ZSCAN31: variants seen among roughly 807,000 people sequenced by gnomAD.
ZSCAN31 encodes zinc finger and SCAN domain-containing protein 31.
ZSCAN31 carries 14 observed loss-of-function variants against 22.5 expected under a neutral mutation model. The observed-to-expected ratio is 0.62, with a 90% CI of 0.41 to 0.97. The LOEUF (loss-of-function observed/expected upper bound fraction) is 0.97. Ranked by LOEUF, ZSCAN31 falls within the 50% of genes least tolerant of loss-of-function variation. The pLI is 0.00. For synonymous variants in ZSCAN31, 168 were observed against 169.8 expected, an observed-to-expected ratio of 0.99 and a Z score of 0.08; for missense variants, 424 against 483.4, an observed-to-expected ratio of 0.88 and a Z score of 1.15.
chr6:28,329,470 T>A lies in ZSCAN31; in HGVS notation c.214A>T (p.Ile72Phe). 6.2e-7 allele frequency: 1 copy of A among 1,614,134 alleles called. No homozygotes were observed. ...TCCAAGATTTGCTCTTTGGTGTGGA[T>A]TTCTGGCCTTAGCCACTGATGACAG... Reference protein sequence around the residue: ...ELCHQWLRPEIHTKEQILELL... With the variant: ...ELCHQWLRPEFHTKEQILELL... Residue 72 changes from isoleucine (I) to phenylalanine (F), a missense_variant, in exon 2 of 4, where the codon ATC becomes TTC. Physicochemically the swap from Ile to Phe is conservative, Grantham distance 21 (BLOSUM62 0). Transcript: ENST00000344279.
rs1314641565 is a variant in ZSCAN31, at chr6:28,326,224, A to C, written c.1163T>G (p.Phe388Cys). ...TTTCTTAAGAAGTGTCCGCTTACTA[A>C]AGAGTTTACTGCACTGACTGCACTG... is the stretch of plus-strand genomic sequence containing the variant. Reference protein sequence around the residue: ...PYQCSQCSKLFSKRTLLKKHQ... With the variant: ...PYQCSQCSKLCSKRTLLKKHQ... Residue 388 changes from phenylalanine to cysteine, a missense_variant, in exon 4 of 4, where the codon TTT becomes TGT. Physicochemically the swap from Phe to Cys is radical, Grantham distance 205 (BLOSUM62 -2). Coordinates refer to ENST00000344279, the MANE Select transcript of ZSCAN31 (RefSeq NM_030899.5). 2 of 1,613,778 alleles carry C rather than the reference A, an allele frequency of 1.2e-6. No homozygotes were observed. The highest frequency in any genetic ancestry group is 1.7e-6 in the Non-Finnish European group (2 of 1,179,822).
intron 1 of ZSCAN31, among the ~76,000 whole-genome samples, chr6:28,330,429 T>A (rs1462260101): frequency 6.6e-6 from 1 of 152,224 alleles, no homozygotes. Flanking sequence ...ATAACTGATA[T>A]AGAAGGGTGA....
chr6:28,333,179 A>G lies in ZSCAN31; in HGVS notation c.-96+2903T>C, dbSNP rs1237039900. Among the ~76,000 whole-genome samples the G allele has an allele frequency of 1.3e-5, 2 of 149,858 alleles. No individual in the cohort carries two copies. Among genetic ancestry groups the G allele is most frequent in the Non-Finnish European group, 2.9e-5 (2 of 67,978 alleles). ...GGACCTGCAGTGGACTTCCACACTCATGAAAGGGAGACAGAAAAATAAAAG... is the reference window on the plus strand; with the variant it reads ...GGACCTGCAGTGGACTTCCACACTCGTGAAAGGGAGACAGAAAAATAAAAG... On this transcript the variant is annotated intron_variant, in intron 1 of 3. Coordinates refer to ENST00000344279, the MANE Select transcript of ZSCAN31 (RefSeq NM_030899.5). This position sits in a 1 kb window ranked among gnomAD's most constrained non-coding sequence, Gnocchi z 4.1.
exon 2 of ZSCAN31, chr6:28,353,883 G>A (rs189664791): frequency 8.3e-4 from 381 of 456,530 alleles, no homozygotes; most frequent in Non-Finnish European, 1.4e-3. Flanking sequence ...CAAGTGTCAG[G>A]TTCCAGCCCA....
At chr6:28,353,179 G>C (rs1022277282) in intron 2 of ZSCAN31, 3 of 152,418 alleles carry the variant, frequency 2.0e-5, no homozygotes, top group African/African-American at 2.4e-5. Context: ...ATGTTGGCCA[G>C]GATGGTCTCG....
intron 1 of ZSCAN31, chr6:28,335,767 A>T (rs1764115895): frequency 1.3e-5 from 2 of 152,196 alleles, no homozygotes; most frequent in Admixed American, 1.3e-4. Context: ...CCCGGTCGGG[A>T]CCCCTTCTCT....
At chr6:28,327,348 A>G in intron 3 of ZSCAN31, 35 bp downstream of exon 3, 2 of 1,612,680 alleles carry the variant, frequency 1.2e-6, no homozygotes, top group Non-Finnish European at 8.5e-7. Context: ...TAGACCCACC[A>G]GAGATCTCCT....
intron 2 of ZSCAN31, among the ~76,000 whole-genome samples, chr6:28,344,502 G>GATCA (rs1764556049): frequency 6.6e-6 from 1 of 152,182 alleles, no homozygotes; most frequent in Non-Finnish European, 1.5e-5. Flanking sequence ...ACCTATCTTT[G>GATCA]AGCTCATCCC....
Position 28,349,492 on chromosome 6 carries a change from G to A in ZSCAN31, c.-371+4370C>T, listed in dbSNP as rs1054270464. On this transcript the variant is annotated intron_variant, in intron 2 of 7. Transcript: ENST00000396838. This position sits in a 1 kb window ranked among gnomAD's most constrained non-coding sequence, Gnocchi z 4.1. ...ATCTTGGATTTTTTATGTAAACCACGCAGCATGTTCCTTAAAATTTATGTA... is the reference window on the plus strand; with the variant it reads ...ATCTTGGATTTTTTATGTAAACCACACAGCATGTTCCTTAAAATTTATGTA... Among the ~76,000 whole-genome samples the A allele has an allele frequency of 2.6e-5, 4 of 151,934 alleles. No individual in the cohort carries two copies. Among genetic ancestry groups the A allele is most frequent in the Non-Finnish European group, 4.4e-5 (3 of 67,994 alleles).
chr6:28,340,367 C>T (rs1764365234), upstream of ZSCAN31, among the ~76,000 whole-genome samples: 1 of 152,184 alleles, frequency 6.6e-6, no homozygotes, highest in Admixed American at 6.5e-5. Context: ...GTGGGAAGGG[C>T]CCAGTGGGAA....
At chr6:28,338,131 G>A (rs1300740676), upstream of ZSCAN31, among the ~76,000 whole-genome samples, 3 of 152,122 alleles carry the variant, frequency 2.0e-5, no homozygotes, top group Non-Finnish European at 4.4e-5. Context: ...AGGCGTGGTG[G>A]TTCACGCCTA....
chr6:28,329,765 T>C lies in ZSCAN31; in HGVS notation c.-82A>G. On this transcript the variant is annotated 5_prime_UTR_variant, in exon 2 of 4. Coordinates refer to ENST00000344279, the MANE Select transcript of ZSCAN31 (RefSeq NM_030899.5). ...TTAAAATTTTCTGATTTAATCTTCC[T>C]TAGGAGAAGACACCTGATGATAGAG... The C allele has an allele frequency of 6.7e-7, 1 of 1,488,746 alleles. No homozygotes were observed. 92.2% of individuals were successfully genotyped at this position (1,488,746 alleles called of 1,614,324 possible). A position where few individuals can be genotyped will look rare whatever the true frequency, so the allele number is the denominator to read the frequency against.
upstream of ZSCAN31, among the ~76,000 whole-genome samples, chr6:28,337,391 G>T (rs1337392498): frequency 6.6e-6 from 1 of 152,236 alleles, no homozygotes; most frequent in Non-Finnish European, 1.5e-5. Context: ...TGGCAGCCAT[G>T]TGGGGATGGA....
rs1221242588 is a variant in ZSCAN31, at chr6:28,351,588, T to C, written c.-371+2274A>G. Among the ~76,000 whole-genome samples, 1 of 151,934 alleles carries C rather than the reference T, an allele frequency of 6.6e-6. No homozygotes were observed. The highest frequency in any genetic ancestry group is 1.9e-4 in the East Asian group (1 of 5,192). On this transcript the variant is annotated intron_variant, in intron 2 of 7. Coordinates refer to the ZSCAN31 transcript ENST00000396838. This position sits in a 1 kb window ranked among gnomAD's most constrained non-coding sequence, Gnocchi z 4.6. ...ATCATCTTTTGGTCATTTTCTTTCA[T>C]TCTTCTTTTCCCTCCTTTCCACTCT...
At chr6:28,330,451 G>A (rs1217092075) in intron 1 of ZSCAN31, among the ~76,000 whole-genome samples, 1 of 152,212 alleles carries the variant, frequency 6.6e-6, no homozygotes, top group Non-Finnish European at 1.5e-5. Flanking sequence ...CCTCTGGGAA[G>A]CAGAATTAGG....
intron 2 of ZSCAN31, among the ~76,000 whole-genome samples, chr6:28,345,288 G>T (rs947331017): frequency 2.0e-5 from 3 of 152,236 alleles, no homozygotes; most frequent in South Asian, 2.1e-4. Flanking sequence ...ACTCATTATA[G>T]AATATTCACC....
chr6:28,347,404 CA>C lies in ZSCAN31; in HGVS notation c.-370-5613del, dbSNP rs1764685171. The stretch of plus-strand genomic sequence containing the variant: ...GGCCAGAATGTCACTAGACTTACAC[CA>C]TCTTATTTGTATTGCAGTTAGCCCC... On this transcript the variant is annotated intron_variant, in intron 2 of 7. Transcript: ENST00000396838. This position sits in a 1 kb window ranked among gnomAD's most constrained non-coding sequence, Gnocchi z 5.2. 6.6e-6 allele frequency among the ~76,000 whole-genome samples: 1 copy of C among 152,096 alleles called. No individual in the cohort carries two copies. Among genetic ancestry groups the C allele is most frequent in the Admixed American group, 6.6e-5 (1 of 15,260 alleles).
upstream of ZSCAN31, chr6:28,337,940 T>C (rs916042621): frequency 6.6e-6 from 1 of 152,074 alleles, no homozygotes; most frequent in Non-Finnish European, 1.5e-5. Flanking sequence ...CTCATGCTAT[T>C]AGTCTCAGCT....
chr6:28,337,506 T>G (rs1440335586), upstream of ZSCAN31, among the ~76,000 whole-genome samples: 1 of 152,172 alleles, frequency 6.6e-6, no homozygotes, highest in Non-Finnish European at 1.5e-5. Flanking sequence ...GCAATAGAAA[T>G]AGAGAAGACA....
Sources: allele counts gnomAD v4.1 joint callset (sites outside exome capture counted in the v4.1 genomes callset), GRCh38; gene constraint gnomAD v4.1.1; non-coding constraint Gnocchi (gnomAD v3.1); transcripts MANE v1.5; gene names NCBI Gene and HGNC (gene_info 2026-07-23, HGNC 2026-07-21).